PACRG: variants seen among roughly 807,000 people sequenced by gnomAD.
The protein encoded by PACRG is parkin coregulated gene protein.
A neutral mutation model predicts 29.7 loss-of-function variants in PACRG; 29 were observed. That is an observed-to-expected ratio of 0.98 (90% CI 0.73 to 1.33). The LOEUF (loss-of-function observed/expected upper bound fraction) is 1.33, where lower values mean the gene tolerates loss of function less well. Ranked by LOEUF, PACRG falls within the 40% of genes most tolerant of loss-of-function variation. The pLI is 0.00. For synonymous variants in PACRG, 116 were observed against 118.7 expected, an observed-to-expected ratio of 0.98 and a Z score of 0.15; for missense variants, 279 against 316.2, an observed-to-expected ratio of 0.88 and a Z score of 0.89.
chr6:163,010,306 A>G (rs1004087737), intron 2 of PACRG, among the ~76,000 whole-genome samples: 2 of 152,242 alleles, frequency 1.3e-5, no homozygotes, highest in African/African-American at 4.8e-5. Flanking sequence ...CCATTTTTAA[A>G]AAAATTTTGT....
intron 3 of PACRG, 37 bp from the exon 4 acceptor site, chr6:163,089,222 A>G (rs777019427): frequency 4.4e-6 from 7 of 1,593,916 alleles, no homozygotes; most frequent in Middle Eastern, 1.7e-4. Flanking sequence ...GCTTTCTATT[A>G]AAATATTTTC....
At chr6:163,018,691 C>A (rs1009569468) in intron 2 of PACRG, among the ~76,000 whole-genome samples, 3 of 152,122 alleles carry the variant, frequency 2.0e-5, no homozygotes, top group Non-Finnish European at 4.4e-5. Flanking sequence ...CAGTGTTGGT[C>A]TTTCAGGATT....
chr6:162,770,257 A>C (rs1200382460), intron 1 of PACRG, among the ~76,000 whole-genome samples: 1 of 152,142 alleles, frequency 6.6e-6, no homozygotes, highest in Non-Finnish European at 1.5e-5. Context: ...TCAATTGAAA[A>C]TCTTTTAATT....
intron 4 of PACRG, among the ~76,000 whole-genome samples, chr6:163,160,540 G>A (rs1778514271): frequency 6.6e-6 from 1 of 152,160 alleles, no homozygotes; most frequent in Admixed American, 6.5e-5. Flanking sequence ...CTGAACTCAT[G>A]AAAATATATT....
At position 162,728,058 on chromosome 6, in the gene PACRG, C is replaced by T; in HGVS notation, c.-178C>T. ...CCTCTTCCCGCCCCGCCCCTAGGGT[C>T]CAGCTCCCTTCACCTAGGAGCTGCC... On this transcript the variant is annotated 5_prime_UTR_variant, in exon 1 of 5. Transcript: ENST00000366888. 1 of 764,318 alleles carries T rather than the reference C, an allele frequency of 1.3e-6. No homozygotes were observed. The highest frequency in any genetic ancestry group is 2.2e-6 in the Non-Finnish European group (1 of 463,856). The allele number at this position is 764,318 out of a possible 1,614,324, so 47.3% of individuals were successfully genotyped here.
At chr6:162,956,603 C>A (rs1211853894) in intron 2 of PACRG, among the ~76,000 whole-genome samples, 1 of 152,196 alleles carries the variant, frequency 6.6e-6, no homozygotes, top group Admixed American at 6.5e-5. Flanking sequence ...GGCAGAATCC[C>A]TCCTCGCCTC....
intron 4 of PACRG, among the ~76,000 whole-genome samples, chr6:163,153,916 C>G (rs1166102568): frequency 1.3e-5 from 2 of 152,140 alleles, no homozygotes; most frequent in African/African-American, 2.4e-5. Context: ...GGTGAACAGT[C>G]TGGAAAGAAG....
intron 2 of PACRG, among the ~76,000 whole-genome samples, chr6:162,842,225 G>T (rs1789851457): frequency 6.9e-6 from 1 of 145,740 alleles, no homozygotes; most frequent in South Asian, 2.4e-4. Flanking sequence ...TAATGTGTGG[G>T]AGTCTAAGTC....
chr6:163,153,288 A>G (rs1018050878), intron 4 of PACRG, among the ~76,000 whole-genome samples: 1 of 152,220 alleles, frequency 6.6e-6, no homozygotes, highest in Admixed American at 6.5e-5. Flanking sequence ...TACTCTTACA[A>G]TGGAGTGGTG....
intron 2 of PACRG, among the ~76,000 whole-genome samples, chr6:162,845,642 A>G (rs772531042): frequency 6.6e-6 from 1 of 152,176 alleles, no homozygotes; most frequent in Non-Finnish European, 1.5e-5. Flanking sequence ...TTCTAACACC[A>G]CATCACTGCA....
chr6:163,171,164 A>G (rs1439002394), intron 4 of PACRG, among the ~76,000 whole-genome samples: 1 of 152,264 alleles, frequency 6.6e-6, no homozygotes, highest in Non-Finnish European at 1.5e-5. Context: ...AATGACAAGT[A>G]GTATTAGTGA....
chr6:162,795,893 G>T (rs554083371), intron 1 of PACRG, among the ~76,000 whole-genome samples: 2 of 151,918 alleles, frequency 1.3e-5, no homozygotes, highest in African/African-American at 4.8e-5. Flanking sequence ...CAGCACTTTT[G>T]TATATGAAAA....
chr6:162,745,826 G>A (rs2128269918), intron 1 of PACRG, among the ~76,000 whole-genome samples: 1 of 152,160 alleles, frequency 6.6e-6, no homozygotes, highest in Non-Finnish European at 1.5e-5. Context: ...TAAGTTTTTT[G>A]TGTATATGGA....
intron 2 of PACRG, among the ~76,000 whole-genome samples, chr6:162,876,288 A>T (rs1793343180): frequency 1.3e-5 from 2 of 152,234 alleles, no homozygotes; most frequent in South Asian, 2.1e-4. Context: ...GGCCAAGGCC[A>T]CAAGATTCCA....
intron 2 of PACRG, among the ~76,000 whole-genome samples, chr6:162,861,100 A>G (rs749319366): frequency 5.3e-5 from 8 of 152,212 alleles, no homozygotes; most frequent in Non-Finnish European, 8.8e-5. Flanking sequence ...TCTTGTTTGC[A>G]AGAAGAATAT....
chr6:162,967,329 T>C lies in PACRG; in HGVS notation c.292-94821T>C, dbSNP rs1456784883. 2.0e-5 allele frequency among the ~76,000 whole-genome samples: 3 copies of C among 152,164 alleles called. No individual in the cohort carries two copies. The East Asian group carries it at 5.8e-4, about 29-fold the overall frequency. On this transcript the variant is annotated intron_variant, in intron 2 of 4. Transcript: ENST00000366888. ...TCTGAATTCTTACACTTTTATTTCC[T>C]ATAGAAATCTGAAAGTGTGTTATTA...
In PACRG at chr6:162,875,615, A is replaced by G. The variant is rs141789518; in HGVS notation, c.291+61334A>G. On this transcript the variant is annotated intron_variant, in intron 2 of 4. Transcript: ENST00000366888. ...TATTCTGTAAGTTTTTGTTTCACAT[A>G]GGTTGTACATTAACCACTTGTCCTT... is the stretch of plus-strand genomic sequence containing the variant. Among the ~76,000 whole-genome samples the G allele has an allele frequency of 5.5e-3, 842 of 152,360 alleles. 7 individuals carry two copies. Among genetic ancestry groups the G allele is most frequent in the African/African-American group, 0.019 (788 of 41,592 alleles).
intron 4 of PACRG, among the ~76,000 whole-genome samples, chr6:163,153,010 T>G (rs1293183978): frequency 6.6e-6 from 1 of 152,192 alleles, no homozygotes; most frequent in Non-Finnish European, 1.5e-5. Context: ...AATTATGCAC[T>G]CTTGATGAGA....
chr6:163,092,359 T>C (rs1190696697), intron 4 of PACRG, among the ~76,000 whole-genome samples: 2 of 152,012 alleles, frequency 1.3e-5, no homozygotes, highest in Non-Finnish European at 2.9e-5. Flanking sequence ...GGAAATCAAG[T>C]AGGGGAGGGA....
Sources: allele counts gnomAD v4.1 joint callset (sites outside exome capture counted in the v4.1 genomes callset), GRCh38; gene constraint gnomAD v4.1.1; transcripts MANE v1.5; gene names NCBI Gene and HGNC (gene_info 2026-07-23, HGNC 2026-07-21).